SBF2: variants seen among roughly 807,000 people sequenced by gnomAD.
SBF2 encodes SET binding factor 2, also known as myotubularin-related protein 13.
A neutral mutation model predicts 225.2 loss-of-function variants in SBF2; 112 were observed. The ratio of observed to expected loss-of-function variants is 0.50; its 90% CI spans 0.43 to 0.58. SBF2 has a LOEUF of 0.58. SBF2 is among the 20% of genes least tolerant of loss of function. The probability of loss-of-function intolerance (pLI) is 0.00; values close to 1 mark genes in which losing one functional copy is unlikely to be tolerated. For missense variants in SBF2, 1,996 were observed against 2,206.2 expected, an observed-to-expected ratio of 0.90 and a Z score of 1.91; for synonymous variants, 763 against 773.3, an observed-to-expected ratio of 0.99 and a Z score of 0.22.
At chr11:10,073,043 T>A (rs949091275) in intron 2 of SBF2, among the ~76,000 whole-genome samples, 1 of 151,942 alleles carries the variant, frequency 6.6e-6, no homozygotes, top group African/African-American at 2.4e-5. Flanking sequence ...CAGGTGTGAG[T>A]CATCGCACCC....
chr11:10,270,716 G>A (rs1003431312), intron 1 of SBF2, among the ~76,000 whole-genome samples: 3 of 152,044 alleles, frequency 2.0e-5, no homozygotes, highest in East Asian at 1.9e-4. Context: ...AAATGAGGAC[G>A]GGCGCGGTGG....
At chr11:9,958,789 G>A in intron 16 of SBF2, 1 of 515,524 alleles carries the variant, frequency 1.9e-6, no homozygotes. Flanking sequence ...GACACGGGCA[G>A]ATGAGGGCTT....
intron 1 of SBF2, among the ~76,000 whole-genome samples, chr11:10,228,626 T>C (rs534497677): frequency 1.3e-5 from 2 of 152,348 alleles, no homozygotes; most frequent in East Asian, 3.9e-4. Flanking sequence ...TTACATTTAT[T>C]GATTTTGGCA....
chr11:10,004,572 A>AT lies in SBF2; in HGVS notation c.620-1884dup, dbSNP rs1310827709. 2.5e-3 allele frequency among the ~76,000 whole-genome samples: 351 copies of AT among 139,206 alleles called. 2 individuals are homozygous for AT. Among genetic ancestry groups the AT allele is most frequent in the South Asian group, 4.1e-3 (17 of 4,154 alleles). The allele number at this position is 139,206 out of a possible 152,430, so 91.3% of individuals were successfully genotyped here. On this transcript the variant is annotated intron_variant, in intron 6 of 39. Coordinates refer to ENST00000256190, the MANE Select transcript of SBF2 (RefSeq NM_030962.4). The stretch of plus-strand genomic sequence containing the variant: ...ATTCCTAAGTAAGATAGCTACAAAA[A>AT]TTAAAAAAAAAAAAAAAAAAAAACA...
chr11:9,921,064 C>CTTTT (rs34959264), intron 16 of SBF2, among the ~76,000 whole-genome samples: 103 of 85,800 alleles, frequency 1.2e-3, no homozygotes, highest in East Asian at 1.9e-3. Flanking sequence ...CTGAAAACTT[C>CTTTT]TTTTTTTTTT....
intron 6 of SBF2, among the ~76,000 whole-genome samples, chr11:10,022,418 C>T (rs1948895104): frequency 6.6e-6 from 1 of 151,904 alleles, no homozygotes; most frequent in Non-Finnish European, 1.5e-5. Context: ...ATTAGTTATG[C>T]ACATAAAGGA....
chr11:9,820,595 C>T (rs1854695656), intron 28 of SBF2, among the ~76,000 whole-genome samples: 1 of 152,218 alleles, frequency 6.6e-6, no homozygotes, highest in Non-Finnish European at 1.5e-5. Context: ...GTCTTACTGC[C>T]TGGAATGATT....
At chr11:10,163,839 C>T (rs774101354) in intron 2 of SBF2, among the ~76,000 whole-genome samples, 2 of 152,042 alleles carry the variant, frequency 1.3e-5, no homozygotes, top group African/African-American at 2.4e-5. Context: ...AATAATTTGC[C>T]CAAGGTCACA....
At chr11:10,067,349 G>GGTTGTGT (rs1950663908) in intron 2 of SBF2, among the ~76,000 whole-genome samples, 1 of 152,138 alleles carries the variant, frequency 6.6e-6, no homozygotes, top group South Asian at 2.1e-4. Flanking sequence ...AGTGTCACCA[G>GGTTGTGT]GTTTTTTGGT....
chr11:9,865,929 T>C (rs576903321), intron 17 of SBF2, among the ~76,000 whole-genome samples: 13 of 152,242 alleles, frequency 8.5e-5, no homozygotes, highest in Non-Finnish European at 1.8e-4. Context: ...TAGACATTTG[T>C]ATTATTTCCA....
At chr11:9,899,524 A>T (rs962618431) in intron 16 of SBF2, among the ~76,000 whole-genome samples, 1 of 149,932 alleles carries the variant, frequency 6.7e-6, no homozygotes, top group Admixed American at 6.7e-5. Flanking sequence ...AAGCCACTTG[A>T]AGAGTTATTA....
chr11:9,853,434 T>C (rs1590227405), intron 20 of SBF2, 106 bp downstream of exon 20: 2 of 978,750 alleles, frequency 2.0e-6, no homozygotes, highest in East Asian at 2.4e-5. Context: ...AGAAAATAAA[T>C]AAATAGCATG....
At chr11:9,861,466 C>T (rs935976217) in intron 17 of SBF2, among the ~76,000 whole-genome samples, 2 of 152,072 alleles carry the variant, frequency 1.3e-5, no homozygotes, top group African/African-American at 4.8e-5. Context: ...GAATTCAAGA[C>T]CAGCCTGGCC....
chr11:9,852,783 C>T, intron 20 of SBF2, 34 bp from the exon 21 acceptor site: 1 of 1,454,152 alleles, frequency 6.9e-7, no homozygotes, highest in Admixed American at 1.7e-5. Flanking sequence ...AATGAAAGAA[C>T]ACAGACAAGC....
At chr11:10,088,993 T>C (rs1481455813) in intron 2 of SBF2, among the ~76,000 whole-genome samples, 1 of 152,196 alleles carries the variant, frequency 6.6e-6, no homozygotes, top group African/African-American at 2.4e-5. Flanking sequence ...AGTATTTCCA[T>C]TGCTTATGAA....
chr11:10,140,931 T>C lies in SBF2; in HGVS notation c.141+52971A>G, dbSNP rs565345128. Reference sequence around the variant, plus strand: ...TTAAGTATAGGAAAACAGTTTATTTTTCCTTTTTTATTCATATAACTTTCT... The same window carrying C: ...TTAAGTATAGGAAAACAGTTTATTTCTCCTTTTTTATTCATATAACTTTCT... On this transcript the variant is annotated intron_variant, in intron 2 of 39. Coordinates refer to ENST00000256190, the MANE Select transcript of SBF2 (RefSeq NM_030962.4). Among the ~76,000 whole-genome samples the C allele has an allele frequency of 1.3e-4, 20 of 152,340 alleles. 1 individual carries two copies. Among genetic ancestry groups the C allele is most frequent in the Non-Finnish European group, 1.5e-5 (1 of 68,030 alleles).
intron 15 of SBF2, 139 bp from the exon 16 acceptor site, chr11:9,962,245 AG>A: frequency 1.5e-6 from 1 of 646,158 alleles, no homozygotes; most frequent in African/African-American, 1.9e-5. Flanking sequence ...CCTAGGGAAT[AG>A]GTGATTTATT....
intron 8 of SBF2, 148 bp downstream of exon 8, chr11:10,000,766 T>G (rs1947921602): frequency 1.7e-6 from 1 of 599,888 alleles, no homozygotes; most frequent in Non-Finnish European, 3.0e-6. Flanking sequence ...TATACAGACT[T>G]TTCAATGATA....
At chr11:9,883,440 C>G (rs992270664) in intron 17 of SBF2, among the ~76,000 whole-genome samples, 9 of 152,226 alleles carry the variant, frequency 5.9e-5, no homozygotes, top group Admixed American at 2.0e-4. Context: ...ATTTTATTAC[C>G]TCTCACTAGT....
Sources: gnomAD v4.1 joint callset for allele counts (sites outside exome capture counted in the v4.1 genomes callset) on GRCh38, gnomAD v4.1.1 for gene constraint, MANE v1.5 for transcripts, NCBI Gene and HGNC (gene_info 2026-07-23, HGNC 2026-07-21) for gene names.